Variants in RGS12 observed in about 807,000 individuals in gnomAD.
The protein encoded by RGS12 is regulator of G protein signaling 12.
RGS12 carries 66 observed loss-of-function variants against 120.1 expected under a neutral mutation model. The ratio of observed to expected loss-of-function variants is 0.55; its 90% CI spans 0.45 to 0.67. The LOEUF (loss-of-function observed/expected upper bound fraction) is 0.67, where lower values mean the gene tolerates loss of function less well. RGS12 is among the 30% of genes least tolerant of loss of function. The probability of loss-of-function intolerance (pLI) is 0.00; values close to 1 mark genes in which losing one functional copy is unlikely to be tolerated. For synonymous variants in RGS12, 827 were observed against 804.7 expected (o/e 1.03, Z -0.47); for missense variants, 1,859 against 1,957.7 (o/e 0.95, Z 0.95).
intron 3 of RGS12, chr4:3,385,776 T>TGGTGGCCGCCTTGCTGGTGG (rs1397095620): frequency 6.5e-6 from 1 of 153,354 alleles, no homozygotes; most frequent in Non-Finnish European, 1.5e-5. Flanking sequence ...CGGAGGCGTC[T>TGGTGGCCGCCTTGCTGGTGG]CCCCAACCCT....
Position 3,316,930 on chromosome 4 carries a change from G to A in RGS12, c.760G>A (p.Ala254Thr). 6.2e-7 allele frequency: 1 copy of A among 1,613,928 alleles called. No homozygotes were observed. Among genetic ancestry groups the A allele is most frequent in the Non-Finnish European group, 8.5e-7 (1 of 1,180,050 alleles). Residue 254 changes from alanine to threonine, a missense_variant, in exon 2 of 18, where the codon GCC becomes ACC. Physicochemically the swap from Ala to Thr is moderately conservative, Grantham distance 58 (BLOSUM62 0). Around this residue, in one of 3 missense-constraint regions of RGS12, gnomAD observed 967 missense variants for 994.2 expected, o/e 0.97. Transcript: ENST00000336727. The stretch of plus-strand genomic sequence containing the variant: ...CAACCTGGAGTCCGACAGCTTGCAA[G>A]CCATCCGCGGCTGCATGCGGCGCCT... ...SSNLESDSLQ[A>T]IRGCMRRLRA...
chr4:3,296,128 C>A (rs1723368206), intron 1 of RGS12, among the ~76,000 whole-genome samples: 1 of 152,174 alleles, frequency 6.6e-6, no homozygotes, highest in South Asian at 2.1e-4. Flanking sequence ...GGCCTCATTC[C>A]TTGGCTCCCG....
chr4:3,439,071 G>A (rs1417213911), intron 17 of RGS12, among the ~76,000 whole-genome samples: 1 of 152,064 alleles, frequency 6.6e-6, no homozygotes, highest in Non-Finnish European at 1.5e-5. Flanking sequence ...TGGCCCTTGA[G>A]GATGGGCCCT....
intron 16 of RGS12, among the ~76,000 whole-genome samples, chr4:3,429,737 T>G (rs1440627734): frequency 6.6e-6 from 1 of 152,122 alleles, no homozygotes; most frequent in Non-Finnish European, 1.5e-5. Context: ...GGCTGGGCAG[T>G]GGGAGGCCCA....
rs1429612090 is a variant in RGS12 at position 3,372,352 on chromosome 4, T to C, written c.1999-14064T>C. Among the ~76,000 whole-genome samples, 1 of 152,220 alleles carries C rather than the reference T, an allele frequency of 6.6e-6. No homozygotes were observed. Among genetic ancestry groups the C allele is most frequent in the African/African-American group, 2.4e-5 (1 of 41,466 alleles). Reference sequence around the variant, plus strand: ...GCTGTCACAGGGTCCTGGGTGGGACTTTCCGGGGCAGTTCCACCTCTCCTG... The same window carrying C: ...GCTGTCACAGGGTCCTGGGTGGGACCTTCCGGGGCAGTTCCACCTCTCCTG... On this transcript the variant is annotated intron_variant, in intron 3 of 17. Transcript: ENST00000336727. The surrounding 1 kb of genome is among the most constrained non-coding windows in gnomAD (Gnocchi z 4.3).
intron 4 of RGS12, among the ~76,000 whole-genome samples, chr4:3,395,231 G>A (rs1429683089): frequency 6.6e-6 from 1 of 151,086 alleles, no homozygotes; most frequent in Non-Finnish European, 1.5e-5. Flanking sequence ...AAGACTCAAC[G>A]CAGCGTATGC....
At chr4:3,311,212 A>C (rs1724381594) in intron 1 of RGS12, among the ~76,000 whole-genome samples, 1 of 152,068 alleles carries the variant, frequency 6.6e-6, no homozygotes, top group African/African-American at 2.4e-5. Context: ...CACTGTGTGC[A>C]CGGGCAGTGC....
chr4:3,425,355 G>A, intron 13 of RGS12, 109 bp from the exon 14 acceptor site: 1 of 978,642 alleles, frequency 1.0e-6, no homozygotes, highest in Non-Finnish European at 1.6e-6. Context: ...GCCATCTCCT[G>A]CGTGACTCCA....
chr4:3,396,937 A>G (rs537534795), intron 4 of RGS12, among the ~76,000 whole-genome samples: 2 of 151,728 alleles, frequency 1.3e-5, no homozygotes, highest in Non-Finnish European at 2.9e-5. Context: ...AATTGCTGTA[A>G]TTATACATAT....
chr4:3,436,657 C>T (rs536383850), intron 17 of RGS12, among the ~76,000 whole-genome samples: 15 of 152,306 alleles, frequency 9.8e-5, no homozygotes, highest in African/African-American at 3.1e-4. Context: ...CAGGGTGGGG[C>T]GGGGTCCTGC....
At chr4:3,418,958 A>G (rs907476892) in intron 9 of RGS12, 1 of 141,042 alleles carries the variant, frequency 7.1e-6, no homozygotes, top group Non-Finnish European at 1.5e-5. Context: ...AGGCAGGCGG[A>G]TTGCCTGAGC....
chr4:3,407,451 T>C (rs1445719316), intron 4 of RGS12: 1 of 152,316 alleles, frequency 6.6e-6, no homozygotes, highest in Non-Finnish European at 1.5e-5. Flanking sequence ...CGCAGGCCTT[T>C]GCTCGGGGCC....
intron 14 of RGS12, among the ~76,000 whole-genome samples, chr4:3,427,580 A>T (rs1449678847): frequency 6.6e-6 from 1 of 152,192 alleles, no homozygotes; most frequent in Non-Finnish European, 1.5e-5. Flanking sequence ...TACTAAAAAT[A>T]CAAAAATTAG....
chr4:3,321,717 C>G (rs559794463), intron 2 of RGS12, among the ~76,000 whole-genome samples: 10 of 152,204 alleles, frequency 6.6e-5, no homozygotes, highest in South Asian at 6.2e-4. Context: ...GCTCCTCCCC[C>G]CAGTGGACTG....
intron 17 of RGS12, 140 bp downstream of exon 17, chr4:3,431,095 G>A (rs1724255808): frequency 6.9e-7 from 1 of 1,449,084 alleles, no homozygotes; most frequent in East Asian, 2.5e-5. Flanking sequence ...CTGGTTGGGG[G>A]CTTCCTTGGC....
intron 3 of RGS12, among the ~76,000 whole-genome samples, chr4:3,352,821 C>T (rs7663472): frequency 0.031 from 4,741 of 152,226 alleles, 229 homozygotes; most frequent in African/African-American, 0.1. Flanking sequence ...CCTGCCTTCC[C>T]AACCTTCCCT....
chr4:3,317,141 G>C lies in RGS12; in HGVS notation c.971G>C (p.Ser324Thr), dbSNP rs754354768. The change falls in exon 2 of 18, where the codon AGC (serine) becomes ACC (threonine). Residue 324 changes from serine to threonine, a missense_variant. This residue lies in a region of RGS12 where 967 missense variants were observed against 994.2 expected (regional missense o/e 0.97). Coordinates refer to ENST00000336727, the MANE Select transcript of RGS12 (RefSeq NM_001394154.1). Reference protein sequence around the residue: ...LVTMQTNDDGSLAQEEEGALR... With the variant: ...LVTMQTNDDGTLAQEEEGALR... ...ACCATGCAGACGAATGACGACGGGAGCCTGGCCCAGGAGGAGGAGGGCGCC... is the reference window on the plus strand; with the variant it reads ...ACCATGCAGACGAATGACGACGGGACCCTGGCCCAGGAGGAGGAGGGCGCC... 3.1e-6 allele frequency: 5 copies of C among 1,614,038 alleles called. No individual in the cohort carries two copies. The highest frequency in any genetic ancestry group is 2.7e-5 in the African/African-American group (2 of 75,074).
intron 17 of RGS12, among the ~76,000 whole-genome samples, chr4:3,434,420 C>T (rs1423128883): frequency 2.0e-5 from 3 of 152,216 alleles, no homozygotes; most frequent in Middle Eastern, 3.4e-3. Context: ...TACCCATGTG[C>T]GTGCATGCCT....
chr4:3,439,388 A>C, intron 17 of RGS12, 67 bp from the exon 18 acceptor site: 2 of 1,480,244 alleles, frequency 1.4e-6, no homozygotes, highest in South Asian at 1.1e-5. Flanking sequence ...CCTTCGGGGT[A>C]GGGGGTGGGT....
Sources: gnomAD v4.1 joint callset for allele counts (sites outside exome capture counted in the v4.1 genomes callset) on GRCh38, gnomAD v4.1.1 for gene constraint, gnomAD v4.1.1 regional missense constraint, Gnocchi (gnomAD v3.1) non-coding constraint, MANE v1.5 for transcripts, NCBI Gene and HGNC (gene_info 2026-07-23, HGNC 2026-07-21) for gene names.